Variants in PDE12 observed in about 807,000 individuals in gnomAD.
PDE12 encodes the protein phosphodiesterase 12.
A neutral mutation model predicts 45.4 loss-of-function variants in PDE12; 26 were observed. That is an observed-to-expected ratio of 0.57 (90% CI 0.42 to 0.79). The LOEUF (loss-of-function observed/expected upper bound fraction) is 0.79, where lower values mean the gene tolerates loss of function less well. Among genes scored for constraint, PDE12 ranks in the 30% least tolerant of loss-of-function variants. The pLI, the probability that PDE12 is intolerant of heterozygous loss-of-function variation, is 0.00. For missense variants in PDE12, 668 were observed against 790.0 expected (o/e 0.85, Z 1.85); for synonymous variants, 283 against 323.9 (o/e 0.87, Z 1.36).
chr3:57,603,040 G>GCC, the PDE12 span, among the ~76,000 whole-genome samples: 1 of 151,654 alleles, frequency 6.6e-6, no homozygotes, highest in Non-Finnish European at 1.5e-5. Context: ...GGTGGCGGGC[G>GCC]CCTGTAATCC....
At chr3:57,623,612 G>A in the PDE12 span, among the ~76,000 whole-genome samples, 2 of 152,218 alleles carry the variant, frequency 1.3e-5, no homozygotes, top group Non-Finnish European at 2.9e-5. Flanking sequence ...CTGGGAGGTG[G>A]AGGTTGCAGT....
At chr3:57,597,386 C>T in the PDE12 span, 5 of 360,872 alleles carry the variant, frequency 1.4e-5, no homozygotes, top group Non-Finnish European at 2.6e-5. Context: ...TCTGGCTGTG[C>T]CACGTCACGC....
the PDE12 span, chr3:57,631,098 C>T: frequency 2.6e-6 from 2 of 763,374 alleles, no homozygotes; most frequent in East Asian, 5.1e-5. Context: ...ACAGCAACAA[C>T]TCCATCACTC....
chr3:57,645,518 A>G, the PDE12 span: 1 of 535,682 alleles, frequency 1.9e-6, no homozygotes, highest in South Asian at 2.8e-5. Flanking sequence ...ACTAACTCTT[A>G]AAATCTAAAA....
At chr3:57,576,770 A>C in the PDE12 span, among the ~76,000 whole-genome samples, 2 of 152,120 alleles carry the variant, frequency 1.3e-5, no homozygotes, top group African/African-American at 4.8e-5. Context: ...AATCCAATCT[A>C]TGGGAAGGCT....
At chr3:57,569,872 A>G (rs1265041074), downstream of PDE12, among the ~76,000 whole-genome samples, 4 of 151,394 alleles carry the variant, frequency 2.6e-5, no homozygotes, top group African/African-American at 9.7e-5. Flanking sequence ...CAATGGTACT[A>G]AGAGCTGCTT....
chr3:57,655,303 G>C, the PDE12 span, among the ~76,000 whole-genome samples: 3 of 152,192 alleles, frequency 2.0e-5, no homozygotes, highest in African/African-American at 4.8e-5. Flanking sequence ...AAAGTGCTGG[G>C]ATTACAGGCG....
the PDE12 span, among the ~76,000 whole-genome samples, chr3:57,594,953 G>A: frequency 6.6e-6 from 1 of 152,002 alleles, no homozygotes; most frequent in Non-Finnish European, 1.5e-5. Flanking sequence ...CATAAATGTC[G>A]ATCTTGTGAC....
At position 57,563,896 on chromosome 3, in the gene PDE12, C is replaced by T. The variant is rs1170960367; in HGVS notation, c.*3892C>T. On this transcript the variant is annotated 3_prime_UTR_variant, in exon 3 of 3. Transcript: ENST00000311180. ...GCAAGACCCTGTCTTCAAAAAACCA[C>T]TCTAGATTTCATGTTGTAGGGGGTA... is the stretch of plus-strand genomic sequence containing the variant. 2 of 152,148 alleles carry T rather than the reference C, an allele frequency of 1.3e-5. No individual in the cohort carries two copies. The highest frequency in any genetic ancestry group is 3.8e-4 in the East Asian group (2 of 5,204). The allele number at this position is 152,148 out of a possible 1,614,324, so 9.4% of individuals were successfully genotyped here.
chr3:57,575,908 C>T, the PDE12 span, among the ~76,000 whole-genome samples: 1 of 152,180 alleles, frequency 6.6e-6, no homozygotes, highest in Non-Finnish European at 1.5e-5. Context: ...TCATCCTACA[C>T]CCCATTAAAT....
At chr3:57,634,639 G>C in the PDE12 span, 11 of 1,487,518 alleles carry the variant, frequency 7.4e-6, no homozygotes, top group Non-Finnish European at 9.9e-6. Context: ...GCAAAGAAAA[G>C]AAGGTAAACA....
the PDE12 span, among the ~76,000 whole-genome samples, chr3:57,578,899 G>A: frequency 6.7e-6 from 1 of 149,392 alleles, no homozygotes; most frequent in East Asian, 2.0e-4. Flanking sequence ...AAGGGGGGGG[G>A]CAAAAATAAA....
the PDE12 span, chr3:57,641,701 G>A: frequency 4.3e-6 from 7 of 1,613,360 alleles, no homozygotes; most frequent in East Asian, 2.2e-5. Flanking sequence ...CAGTGCTGGA[G>A]TGTCTTAGCA....
At position 57,565,914 on chromosome 3, in the gene PDE12, T is replaced by TA. The variant is rs910151326; in HGVS notation, c.*5913dup. The TA allele has an allele frequency of 1.4e-4, 22 of 152,164 alleles. No homozygotes were observed. Among genetic ancestry groups the TA allele is most frequent in the African/African-American group, 4.3e-4 (18 of 41,446 alleles). 9.4% of individuals were successfully genotyped at this position (152,164 alleles called of 1,614,324 possible). Reference sequence around the variant, plus strand: ...ATCCAAAGATAAAATCAGTTAGAAATAAACAGTGGCCTTCCTCAGAAAAGC... The same window carrying TA: ...ATCCAAAGATAAAATCAGTTAGAAATAAAACAGTGGCCTTCCTCAGAAAAGC... On this transcript the variant is annotated 3_prime_UTR_variant, in exon 3 of 3. Transcript: ENST00000311180.
the PDE12 span, among the ~76,000 whole-genome samples, chr3:57,616,945 A>G: frequency 6.6e-6 from 1 of 152,006 alleles, no homozygotes; most frequent in African/African-American, 2.4e-5. Flanking sequence ...AATTGCTTGA[A>G]CCCGGGAAGC....
the PDE12 span, among the ~76,000 whole-genome samples, chr3:57,607,761 G>A: frequency 6.6e-6 from 1 of 152,174 alleles, no homozygotes; most frequent in Non-Finnish European, 1.5e-5. Flanking sequence ...TCTGATTGGT[G>A]TACCTGAAAG....
At chr3:57,582,604 C>G in the PDE12 span, among the ~76,000 whole-genome samples, 1 of 152,046 alleles carries the variant, frequency 6.6e-6, no homozygotes, top group African/African-American at 2.4e-5. Flanking sequence ...CTATGTAAAC[C>G]TGGTTGTCCC....
intron 1 of PDE12, among the ~76,000 whole-genome samples, chr3:57,558,353 A>G (rs1222824274): frequency 2.0e-5 from 3 of 152,218 alleles, no homozygotes; most frequent in African/African-American, 7.2e-5. Context: ...TCACATTGCT[A>G]TAAATGGTGA....
the PDE12 span, chr3:57,597,989 T>C: frequency 6.6e-6 from 1 of 152,182 alleles, no homozygotes; most frequent in African/African-American, 2.4e-5. Context: ...TGAAGATCTC[T>C]AATTCTGTCA....
Sources: gnomAD v4.1 joint callset for allele counts (sites outside exome capture counted in the v4.1 genomes callset) on GRCh38, gnomAD v4.1.1 for gene constraint, MANE v1.5 for transcripts, NCBI Gene and HGNC (gene_info 2026-07-23, HGNC 2026-07-21) for gene names.